Variants in TACC1 observed in about 807,000 individuals in gnomAD.
TACC1 encodes the protein transforming acidic coiled-coil-containing protein 1.
A neutral mutation model predicts 84.4 loss-of-function variants in TACC1; 48 were observed. The observed-to-expected ratio is 0.57, with a 90% CI of 0.45 to 0.72. The LOEUF (loss-of-function observed/expected upper bound fraction) is 0.72, where lower values mean the gene tolerates loss of function less well. Among genes scored for constraint, TACC1 ranks in the 30% least tolerant of loss-of-function variants. The probability of loss-of-function intolerance (pLI) is 0.00; values close to 1 mark genes in which losing one functional copy is unlikely to be tolerated. For missense variants in TACC1, 920 were observed against 973.0 expected (o/e 0.95, Z 0.72); for synonymous variants, 372 against 376.3 (o/e 0.99, Z 0.13).
intron 2 of TACC1, among the ~76,000 whole-genome samples, chr8:38,799,137 G>A (rs1820729763): frequency 6.6e-6 from 1 of 152,196 alleles, no homozygotes; most frequent in Non-Finnish European, 1.5e-5. Flanking sequence ...TTGATTCAGT[G>A]TGGGGGAGGA....
chr8:38,795,118 A>G (rs1008679300), intron 2 of TACC1, among the ~76,000 whole-genome samples: 4 of 152,154 alleles, frequency 2.6e-5, no homozygotes, highest in Admixed American at 2.6e-4. Flanking sequence ...CTCTATCACA[A>G]TGTAAATGTG....
chr8:38,745,660 C>T (rs564080918), intron 3 of TACC1, among the ~76,000 whole-genome samples: 27 of 152,240 alleles, frequency 1.8e-4, no homozygotes, highest in African/African-American at 6.5e-4. Context: ...TCTCCTGTCT[C>T]AGCCTTCCGA....
At chr8:38,831,083 C>T in intron 5 of TACC1, 42 bp from the exon 6 acceptor site, 1 of 1,607,494 alleles carries the variant, frequency 6.2e-7, no homozygotes, top group Non-Finnish European at 8.5e-7. Context: ...AGGAAAGGAA[C>T]CGACTTCTTG....
intron 3 of TACC1, among the ~76,000 whole-genome samples, chr8:38,766,231 C>A (rs1425972776): frequency 1.3e-5 from 2 of 152,208 alleles, no homozygotes; most frequent in Non-Finnish European, 1.5e-5. Context: ...CTTACTGTTA[C>A]AGATACTTTG....
intron 3 of TACC1, among the ~76,000 whole-genome samples, chr8:38,767,759 T>C (rs1812518944): frequency 6.6e-6 from 1 of 152,012 alleles, no homozygotes; most frequent in Non-Finnish European, 1.5e-5. Flanking sequence ...ATAGTACCCG[T>C]AGGATAAAAG....
At chr8:38,736,564 T>A (rs149634430) in intron 1 of TACC1, among the ~76,000 whole-genome samples, 144 of 152,152 alleles carry the variant, frequency 9.5e-4, no homozygotes, top group Admixed American at 2.2e-3. Context: ...TGCAGGAAGC[T>A]ATGATTGCAC....
At chr8:38,757,440 C>CT in intron 3 of TACC1, 1 of 1,151,096 alleles carries the variant, frequency 8.7e-7, no homozygotes, top group South Asian at 1.6e-5. Context: ...CAAGGGCCGC[C>CT]TTTGGGGGTT....
At chr8:38,805,852 A>G (rs1478511639) in intron 2 of TACC1, among the ~76,000 whole-genome samples, 1 of 152,222 alleles carries the variant, frequency 6.6e-6, no homozygotes, top group Non-Finnish European at 1.5e-5. Context: ...AATTGCTTTT[A>G]TATGTTTGTA....
At chr8:38,768,737 A>G (rs1167295283) in intron 3 of TACC1, among the ~76,000 whole-genome samples, 2 of 151,524 alleles carry the variant, frequency 1.3e-5, no homozygotes, top group Non-Finnish European at 2.9e-5. Context: ...CCATATATAT[A>G]TGTGAAACTG....
chr8:38,742,839 C>T (rs533659692), intron 2 of TACC1, among the ~76,000 whole-genome samples: 10 of 152,296 alleles, frequency 6.6e-5, no homozygotes, highest in South Asian at 6.2e-4. Context: ...CTCAGCCTCC[C>T]GAGTAGCTGG....
At chr8:38,782,037 T>C (rs1043191064) in intron 3 of TACC1, among the ~76,000 whole-genome samples, 1 of 151,778 alleles carries the variant, frequency 6.6e-6, no homozygotes, top group Non-Finnish European at 1.5e-5. Flanking sequence ...TTTATTATTA[T>C]ACTTTAAGTT....
intron 3 of TACC1, among the ~76,000 whole-genome samples, chr8:38,821,986 C>A (rs1450048104): frequency 6.6e-6 from 1 of 151,978 alleles, no homozygotes; most frequent in Non-Finnish European, 1.5e-5. Flanking sequence ...TTTGGGAGGC[C>A]AAGGTGGGAG....
intron 3 of TACC1, among the ~76,000 whole-genome samples, chr8:38,821,822 C>T (rs1454241116): frequency 3.3e-5 from 5 of 152,146 alleles, no homozygotes; most frequent in Admixed American, 6.5e-5. Context: ...GTGTGAACAT[C>T]GTCAAGTGAA....
rs538171222 is a variant in TACC1, at chr8:38,758,649, A to C, written c.26+13156A>C. 2.2e-5 allele frequency among the ~76,000 whole-genome samples: 3 copies of C among 137,130 alleles called. No individual in the cohort carries two copies. The East Asian group carries it at 6.5e-4, about 30-fold the overall frequency. 90.0% of individuals were successfully genotyped at this position (137,130 alleles called of 152,430 possible). ...AGCCAAGATCGGGCCACTGCACTCC[A>C]GCCTGGGCGACAGAGGGAGACTCCA... On this transcript the variant is annotated intron_variant, in intron 3 of 14. Transcript: ENST00000518415.
At chr8:38,792,865 C>T (rs1440073769) in intron 2 of TACC1, among the ~76,000 whole-genome samples, 1 of 151,072 alleles carries the variant, frequency 6.6e-6, no homozygotes, top group African/African-American at 2.4e-5. Flanking sequence ...CTCCCAAAGT[C>T]CTGGGATTAC....
At chr8:38,752,289 G>GT (rs1809185773) in intron 3 of TACC1, among the ~76,000 whole-genome samples, 3 of 152,134 alleles carry the variant, frequency 2.0e-5, no homozygotes, top group Admixed American at 2.0e-4. Context: ...GGGAAACACA[G>GT]TGAGACCCCG....
intron 1 of TACC1, among the ~76,000 whole-genome samples, chr8:38,731,704 A>G (rs1314613791): frequency 6.6e-6 from 1 of 151,962 alleles, no homozygotes; most frequent in Non-Finnish European, 1.5e-5. Context: ...CCTTCAGGGA[A>G]GAGCTTAGCT....
intron 1 of TACC1, among the ~76,000 whole-genome samples, chr8:38,736,669 C>G (rs1806025762): frequency 6.6e-6 from 1 of 152,188 alleles, no homozygotes; most frequent in East Asian, 1.9e-4. Flanking sequence ...AGATTGGGAC[C>G]TGATAAATTT....
chr8:38,846,511 G>T, intron 11 of TACC1, 188 bp from the exon 12 acceptor site: 1 of 575,162 alleles, frequency 1.7e-6, no homozygotes, highest in South Asian at 3.2e-5. Flanking sequence ...GAAGTTGTCT[G>T]TAAATTGAAT....
Sources: gnomAD v4.1 joint callset for allele counts (sites outside exome capture counted in the v4.1 genomes callset) on GRCh38, gnomAD v4.1.1 for gene constraint, MANE v1.5 for transcripts, NCBI Gene and HGNC (gene_info 2026-07-23, HGNC 2026-07-21) for gene names.